The following PTPRN2 variants were observed in gnomAD, a reference collection of about 807,000 sequenced individuals.
The protein encoded by PTPRN2 is receptor-type tyrosine-protein phosphatase N2.
In PTPRN2, 74 loss-of-function variants were observed where a neutral mutation model predicts 118.8. The ratio of observed to expected loss-of-function variants is 0.62; its 90% CI spans 0.52 to 0.76. The LOEUF (loss-of-function observed/expected upper bound fraction) is 0.76. PTPRN2 is among the 30% of genes least tolerant of loss of function. The pLI, the probability that PTPRN2 is intolerant of heterozygous loss-of-function variation, is 0.00. For missense variants in PTPRN2, 1,481 were observed against 1,394.4 expected, an observed-to-expected ratio of 1.06 and a Z score of -0.99; for synonymous variants, 641 against 608.0, an observed-to-expected ratio of 1.05 and a Z score of -0.80.
chr7:157,880,121 G>A (rs572420623), intron 12 of PTPRN2, among the ~76,000 whole-genome samples: 6 of 152,246 alleles, frequency 3.9e-5, no homozygotes, highest in Admixed American at 6.5e-5. Flanking sequence ...TTTCATCCCC[G>A]TAATCTAAGA....
intron 9 of PTPRN2, among the ~76,000 whole-genome samples, chr7:158,118,665 C>A (rs1816916054): frequency 6.6e-6 from 1 of 152,186 alleles, no homozygotes. Flanking sequence ...CAAGGGATAT[C>A]TATTTGCATT....
At chr7:157,628,621 G>A (rs147524047) in intron 14 of PTPRN2, among the ~76,000 whole-genome samples, 6 of 152,314 alleles carry the variant, frequency 3.9e-5, no homozygotes, top group Non-Finnish European at 5.9e-5. Flanking sequence ...GCACCCCTTC[G>A]TAACCTGGTC....
intron 12 of PTPRN2, among the ~76,000 whole-genome samples, chr7:157,758,255 G>T (rs1382747031): frequency 2.0e-5 from 3 of 152,244 alleles, no homozygotes; most frequent in Non-Finnish European, 4.4e-5. Context: ...TGACGAGCGT[G>T]GTGTTGCCCA....
rs886080370 is a variant in PTPRN2, at chr7:158,164,990, G to A, written c.910+1941C>T. Among the ~76,000 whole-genome samples the A allele has an allele frequency of 1.2e-4, 8 of 69,264 alleles. No individual in the cohort carries two copies. The South Asian group carries it at 1.3e-3, about 11-fold the overall frequency. The allele number at this position is 69,264 out of a possible 152,430, so 45.4% of individuals were successfully genotyped here. On this transcript the variant is annotated intron_variant, in intron 6 of 22. Coordinates refer to ENST00000389418, the MANE Select transcript of PTPRN2 (RefSeq NM_002847.5). ...TCGCAAGTGAAGACCCCCTGATAGCGTCCAGGACCTACGAGAGTGCAGGAG... is the reference window on the plus strand; with the variant it reads ...TCGCAAGTGAAGACCCCCTGATAGCATCCAGGACCTACGAGAGTGCAGGAG...
chr7:158,217,893 G>GA (rs1274827863), intron 3 of PTPRN2, among the ~76,000 whole-genome samples: 1 of 152,122 alleles, frequency 6.6e-6, no homozygotes, highest in African/African-American at 2.4e-5. Context: ...CAAAAATAAA[G>GA]AAAAAAGAGT....
At chr7:158,448,298 C>G (rs1233055078) in intron 2 of PTPRN2, among the ~76,000 whole-genome samples, 3 of 152,178 alleles carry the variant, frequency 2.0e-5, no homozygotes, top group Non-Finnish European at 4.4e-5. Flanking sequence ...ATTTATTATA[C>G]ATTTTCTAAA....
intron 2 of PTPRN2, among the ~76,000 whole-genome samples, chr7:158,473,841 T>G (rs1733131): frequency 0.7 from 105,929 of 152,012 alleles, 37,105 homozygotes; most frequent in Admixed American, 0.78. Context: ...ACCAAATGTT[T>G]TAAGTATTTA....
chr7:158,147,015 T>C (rs868390745), intron 6 of PTPRN2, among the ~76,000 whole-genome samples: 3 of 5,734 alleles, frequency 5.2e-4, no homozygotes, highest in Admixed American at 1.9e-3. Context: ...TCACGCCACG[T>C]GTCTTTCCCC....
intron 11 of PTPRN2, among the ~76,000 whole-genome samples, chr7:157,989,600 A>G (rs1459288974): frequency 8.1e-6 from 1 of 123,752 alleles, no homozygotes; most frequent in Non-Finnish European, 1.7e-5. Flanking sequence ...AGTGCGTCTA[A>G]GGGGTGGAGG....
intron 11 of PTPRN2, among the ~76,000 whole-genome samples, chr7:158,071,628 G>C (rs1266007005): frequency 9.1e-4 from 108 of 119,086 alleles, no homozygotes; most frequent in African/African-American, 1.7e-3. Context: ...GGAGGTGCTC[G>C]TGGTGGTGGA....
chr7:158,097,459 T>C (rs967587798), intron 10 of PTPRN2, among the ~76,000 whole-genome samples: 2 of 152,144 alleles, frequency 1.3e-5, no homozygotes, highest in South Asian at 2.1e-4. Flanking sequence ...CACATGAAGA[T>C]TGATCACAGA....
intron 3 of PTPRN2, among the ~76,000 whole-genome samples, chr7:158,285,511 G>C (rs1357966046): frequency 1.3e-5 from 2 of 152,194 alleles, no homozygotes. Context: ...CTGCAGGCGG[G>C]CCCCAGGAGG....
intron 11 of PTPRN2, among the ~76,000 whole-genome samples, chr7:158,079,302 G>C (rs1046241482): frequency 6.6e-6 from 1 of 152,222 alleles, no homozygotes; most frequent in Non-Finnish European, 1.5e-5. Context: ...TGGAGGCACT[G>C]GTGCAAGTTA....
At chr7:158,272,952 T>C (rs368469739) in intron 3 of PTPRN2, among the ~76,000 whole-genome samples, 1 of 152,138 alleles carries the variant, frequency 6.6e-6, no homozygotes, top group African/African-American at 2.4e-5. Context: ...GTCCCACGGT[T>C]TGGGACTCTC....
At chr7:158,046,286 G>A (rs906827175) in intron 11 of PTPRN2, among the ~76,000 whole-genome samples, 3 of 139,966 alleles carry the variant, frequency 2.1e-5, no homozygotes, top group East Asian at 2.2e-4. Flanking sequence ...CAGAAACTGC[G>A]ATCCTGGCAT....
chr7:158,024,404 C>T (rs975922360), intron 11 of PTPRN2, among the ~76,000 whole-genome samples: 9 of 152,148 alleles, frequency 5.9e-5, no homozygotes, highest in Non-Finnish European at 8.8e-5. Flanking sequence ...TGCAGCCCTC[C>T]GTAACTTCAA....
At chr7:158,083,639 C>T (rs551902135) in intron 10 of PTPRN2, among the ~76,000 whole-genome samples, 8 of 152,316 alleles carry the variant, frequency 5.3e-5, no homozygotes, top group Middle Eastern at 3.4e-3. Flanking sequence ...CCACACAGCC[C>T]GTGTCCTTTC....
intron 2 of PTPRN2, among the ~76,000 whole-genome samples, chr7:158,333,900 C>T (rs1419716661): frequency 1.5e-5 from 2 of 133,666 alleles, no homozygotes; most frequent in African/African-American, 2.8e-5. Context: ...GAGCTGACAC[C>T]CGCAGACGTC....
At chr7:157,889,005 C>G (rs1563211469) in intron 12 of PTPRN2, among the ~76,000 whole-genome samples, 1 of 152,298 alleles carries the variant, frequency 6.6e-6, no homozygotes, top group East Asian at 1.9e-4. Context: ...CATGAGACTT[C>G]TTTGTTATAA....
Sources: allele counts gnomAD v4.1 joint callset (sites outside exome capture counted in the v4.1 genomes callset), GRCh38; gene constraint gnomAD v4.1.1; transcripts MANE v1.5; gene names NCBI Gene and HGNC (gene_info 2026-07-23, HGNC 2026-07-21).